GABRB2: variants seen among roughly 807,000 people sequenced by gnomAD.
GABRB2 encodes the protein gamma-aminobutyric acid type A receptor subunit beta2.
A neutral mutation model predicts 54.7 loss-of-function variants in GABRB2; 16 were observed. The observed-to-expected ratio is 0.29, with a 90% CI of 0.20 to 0.44. The LOEUF is 0.44. GABRB2 is among the 20% of genes least tolerant of loss of function. GABRB2 has a pLI of 1.00. For synonymous variants in GABRB2, 244 were observed against 233.8 expected (o/e 1.04, Z -0.40); for missense variants, 355 against 644.0 (o/e 0.55, Z 4.86).
chr5:161,320,551 T>C (rs1561606352), intron 9 of GABRB2, among the ~76,000 whole-genome samples: 2 of 151,944 alleles, frequency 1.3e-5, no homozygotes. Context: ...ATTATGATTA[T>C]AAAACTATCT....
chr5:161,445,540 C>A (rs1409390422), intron 4 of GABRB2, among the ~76,000 whole-genome samples: 1 of 151,714 alleles, frequency 6.6e-6, no homozygotes, highest in Non-Finnish European at 1.5e-5. Flanking sequence ...CTCATTACAG[C>A]CTCCTCCCTT....
intron 5 of GABRB2, among the ~76,000 whole-genome samples, chr5:161,346,233 A>AT (rs1166517589): frequency 6.6e-5 from 10 of 152,108 alleles, no homozygotes; most frequent in African/African-American, 2.4e-4. Context: ...TTGAATGGCC[A>AT]TGACCCTCTG....
intron 3 of GABRB2, among the ~76,000 whole-genome samples, chr5:161,495,952 T>G (rs1365484384): frequency 6.6e-6 from 1 of 152,138 alleles, no homozygotes; most frequent in African/African-American, 2.4e-5. Flanking sequence ...AACTTCACAT[T>G]TGCATCCCCA....
At chr5:161,461,844 T>C (rs1026722719) in intron 3 of GABRB2, among the ~76,000 whole-genome samples, 4 of 152,206 alleles carry the variant, frequency 2.6e-5, no homozygotes, top group South Asian at 2.1e-4. Context: ...CAGTAAGCTA[T>C]GCCTAGTGGA....
Position 161,336,960 on chromosome 5 carries a change from C to T in GABRB2, c.542-191G>A, listed in dbSNP as rs72813518. 0.014 allele frequency among the ~76,000 whole-genome samples: 2,082 copies of T among 152,062 alleles called. 23 individuals carry two copies. The highest frequency in any genetic ancestry group is 0.019 in the Non-Finnish European group (1,305 of 67,952). ...CTATTACTGTATTTAATCCTCATGA[C>T]GATCTCATTAGGGTAGTATAATTAG... On this transcript the variant is annotated intron_variant, in intron 5 of 9. Coordinates refer to ENST00000393959, the MANE Select transcript of GABRB2 (RefSeq NM_001371727.1).
intron 3 of GABRB2, among the ~76,000 whole-genome samples, chr5:161,489,327 A>C (rs1759028487): frequency 6.6e-6 from 1 of 151,732 alleles, no homozygotes; most frequent in Admixed American, 6.6e-5. Flanking sequence ...TAAATGAGGC[A>C]GATAATAATG....
chr5:161,477,828 C>T (rs527364825), intron 3 of GABRB2, among the ~76,000 whole-genome samples: 2 of 151,830 alleles, frequency 1.3e-5, no homozygotes, highest in Admixed American at 6.6e-5. Context: ...TGAGGGTTGT[C>T]GTTTACAGGG....
intron 3 of GABRB2, among the ~76,000 whole-genome samples, chr5:161,479,762 G>T (rs1431827736): frequency 6.6e-6 from 1 of 151,642 alleles, no homozygotes; most frequent in Non-Finnish European, 1.5e-5. Context: ...GCTAATTTTT[G>T]GATTTTTAGT....
chr5:161,343,475 C>T (rs751618079), intron 5 of GABRB2, among the ~76,000 whole-genome samples: 9 of 151,914 alleles, frequency 5.9e-5, no homozygotes, highest in Non-Finnish European at 1.0e-4. Context: ...TTTTAAAGAC[C>T]ATATATCTAT....
chr5:161,462,122 T>C (rs1758133838), intron 3 of GABRB2, among the ~76,000 whole-genome samples: 2 of 152,192 alleles, frequency 1.3e-5, no homozygotes, highest in Non-Finnish European at 2.9e-5. Flanking sequence ...CCTCCAATTT[T>C]ACAATCAAAC....
chr5:161,437,273 G>A (rs1253951958), intron 4 of GABRB2, among the ~76,000 whole-genome samples: 3 of 151,786 alleles, frequency 2.0e-5, no homozygotes. Context: ...GAAGGAGGTG[G>A]GAGGGCTTGG....
intron 3 of GABRB2, among the ~76,000 whole-genome samples, chr5:161,499,300 A>G (rs1057367579): frequency 6.6e-6 from 1 of 152,164 alleles, no homozygotes; most frequent in African/African-American, 2.4e-5. Context: ...TTGTGGCTCA[A>G]ATTATGAGCA....
chr5:161,468,409 G>A (rs775512851), intron 3 of GABRB2, among the ~76,000 whole-genome samples: 7 of 151,932 alleles, frequency 4.6e-5, no homozygotes, highest in East Asian at 3.9e-4. Context: ...TTCAGACTTC[G>A]TCTTAACAAC....
intron 5 of GABRB2, 46 bp downstream of exon 5, chr5:161,410,929 A>C: frequency 6.9e-7 from 1 of 1,440,636 alleles, no homozygotes; most frequent in East Asian, 2.3e-5. Flanking sequence ...CTGCGTAAGA[A>C]CCTTAAAGCA....
At chr5:161,344,241 C>A (rs1561615826) in intron 5 of GABRB2, among the ~76,000 whole-genome samples, 1 of 152,158 alleles carries the variant, frequency 6.6e-6, no homozygotes, top group East Asian at 1.9e-4. Flanking sequence ...ATTGCTGATG[C>A]TGTCTCTATT....
At chr5:161,396,898 A>G (rs558702737) in intron 5 of GABRB2, among the ~76,000 whole-genome samples, 1 of 152,286 alleles carries the variant, frequency 6.6e-6, no homozygotes. Context: ...TTTAAGCCCC[A>G]GTCTCCTTAT....
In GABRB2 at chr5:161,436,483, G is replaced by C. The variant is rs571685990; in HGVS notation, c.458+23141C>G. ...GGGAGGCGGAGGTTGCAGTGAGCTG[G>C]GATCTCACCACTGCACTCCAGCCTG... On this transcript the variant is annotated intron_variant, in intron 4 of 9. Coordinates refer to ENST00000393959, the MANE Select transcript of GABRB2 (RefSeq NM_001371727.1). Among the ~76,000 whole-genome samples, 7 of 151,166 alleles carry C rather than the reference G, an allele frequency of 4.6e-5. No individual in the cohort carries two copies. The South Asian group carries it at 1.5e-3, about 32-fold the overall frequency.
intron 7 of GABRB2, among the ~76,000 whole-genome samples, chr5:161,332,924 AC>A (rs1275579728): frequency 5.3e-5 from 8 of 152,116 alleles, no homozygotes; most frequent in African/African-American, 1.9e-4. Flanking sequence ...CAGGTATCTT[AC>A]ATTTCTCGTG....
chr5:161,439,985 G>C (rs994307978), intron 4 of GABRB2, among the ~76,000 whole-genome samples: 3 of 140,062 alleles, frequency 2.1e-5, no homozygotes, highest in African/African-American at 7.9e-5. Flanking sequence ...AAAAGTTGTA[G>C]AGAAGAACAA....
Sources: allele counts gnomAD v4.1 joint callset (sites outside exome capture counted in the v4.1 genomes callset), GRCh38; gene constraint gnomAD v4.1.1; transcripts MANE v1.5; gene names NCBI Gene and HGNC (gene_info 2026-07-23, HGNC 2026-07-21).